The following STARD13 variants were observed in gnomAD, a reference collection of about 807,000 sequenced individuals.
STARD13 encodes the protein StAR related lipid transfer domain containing 13.
STARD13 carries 62 observed loss-of-function variants against 106.4 expected under a neutral mutation model. That is an observed-to-expected ratio of 0.58 (90% CI 0.48 to 0.72). The LOEUF (loss-of-function observed/expected upper bound fraction) is 0.72, where lower values mean the gene tolerates loss of function less well. Ranked by LOEUF, STARD13 falls within the 30% of genes least tolerant of loss-of-function variation. STARD13 has a pLI of 0.00. For missense variants in STARD13, 1,387 were observed against 1,424.0 expected (o/e 0.97, Z 0.42); for synonymous variants, 565 against 553.0 (o/e 1.02, Z -0.31).
chr13:33,177,709 A>AAGGGAGGAAGGAGGGAGAAAGGG (rs1349809609), intron 1 of STARD13, among the ~76,000 whole-genome samples: 8 of 149,534 alleles, frequency 5.3e-5, no homozygotes, highest in Non-Finnish European at 1.2e-4. Context: ...GTAATGGAGG[A>AAGGGAGGAAGGAGGGAGAAAGGG]AGGGAGGAAG....
chr13:33,348,202 T>A (rs1024907744), downstream of STARD13, among the ~76,000 whole-genome samples: 5 of 152,182 alleles, frequency 3.3e-5, no homozygotes, highest in African/African-American at 1.2e-4. Context: ...ACCGCTATTT[T>A]AAAAAATAAT....
chr13:33,323,108 T>G (rs970944491), intron 1 of STARD13, among the ~76,000 whole-genome samples: 2 of 152,064 alleles, frequency 1.3e-5, no homozygotes, highest in African/African-American at 4.8e-5. Flanking sequence ...GCAGCACAGG[T>G]TGTAATGTGA....
chr13:33,449,576 G>C, the STARD13 span, among the ~76,000 whole-genome samples: 1 of 152,002 alleles, frequency 6.6e-6, no homozygotes, highest in Non-Finnish European at 1.5e-5. Flanking sequence ...ATATTTCTTT[G>C]GCTATTCAGG....
intron 1 of STARD13, among the ~76,000 whole-genome samples, chr13:33,218,259 AT>A (rs1291774819): frequency 2.2e-4 from 33 of 152,216 alleles, no homozygotes; most frequent in African/African-American, 7.7e-4. Context: ...TATGAGGAAC[AT>A]CTGAGCCCAC....
the STARD13 span, among the ~76,000 whole-genome samples, chr13:33,661,528 G>A: frequency 6.6e-6 from 1 of 152,178 alleles, no homozygotes; most frequent in Admixed American, 6.5e-5. Context: ...AAGAAAAGAG[G>A]TTTAACTGAC....
the STARD13 span, among the ~76,000 whole-genome samples, chr13:33,643,159 G>GCACACACACACACACACA: frequency 4.3e-5 from 6 of 139,820 alleles, no homozygotes; most frequent in African/African-American, 7.7e-5. Context: ...CATAGAACAT[G>GCACACACACACACACACA]CACACACACA....
At chr13:33,258,787 T>G (rs979536293) in intron 1 of STARD13, among the ~76,000 whole-genome samples, 1 of 152,244 alleles carries the variant, frequency 6.6e-6, no homozygotes, top group Non-Finnish European at 1.5e-5. Context: ...TCTAGGCCTT[T>G]GCTTCCATAC....
At chr13:33,282,497 C>T (rs1198345263) in intron 1 of STARD13, among the ~76,000 whole-genome samples, 3 of 152,282 alleles carry the variant, frequency 2.0e-5, no homozygotes, top group African/African-American at 4.8e-5. Context: ...GATTATCTCA[C>T]TATAATGAGG....
the STARD13 span, among the ~76,000 whole-genome samples, chr13:33,667,437 T>C: frequency 6.6e-6 from 1 of 152,262 alleles, no homozygotes; most frequent in African/African-American, 2.4e-5. Context: ...AGAACTCATG[T>C]ACTCATTTTA....
chr13:33,579,906 A>G, the STARD13 span, among the ~76,000 whole-genome samples: 8 of 151,994 alleles, frequency 5.3e-5, no homozygotes, highest in Non-Finnish European at 8.8e-5. Flanking sequence ...AAAATCACAA[A>G]CACAACACTG....
At chr13:33,660,949 T>C in the STARD13 span, among the ~76,000 whole-genome samples, 3 of 152,176 alleles carry the variant, frequency 2.0e-5, no homozygotes, top group Non-Finnish European at 4.4e-5. Flanking sequence ...AAGAAAAACA[T>C]AGGACATACA....
the STARD13 span, among the ~76,000 whole-genome samples, chr13:33,495,911 TTA>T: frequency 6.9e-6 from 1 of 144,422 alleles, no homozygotes; most frequent in African/African-American, 2.5e-5. Flanking sequence ...TGTTATTATA[TTA>T]TATAGTTATA....
In STARD13 at chr13:33,350,470, C is replaced by G. The variant is rs899786556; in HGVS notation, c.-57G>C. 6 of 1,493,256 alleles carry G rather than the reference C, an allele frequency of 4.0e-6. No individual in the cohort carries two copies. The South Asian group carries it at 6.2e-5, about 16-fold the overall frequency. 92.5% of individuals were successfully genotyped at this position (1,493,256 alleles called of 1,614,324 possible). ...TCTCCACCGCCACTCCCGCGTGGCCCGCGACTCAGACTCCCGGCGACTGGA... is the reference window on the plus strand; with the variant it reads ...TCTCCACCGCCACTCCCGCGTGGCCGGCGACTCAGACTCCCGGCGACTGGA... On this transcript the variant is annotated 5_prime_UTR_variant, in exon 1 of 2. Transcript: ENST00000439831.
intron 1 of STARD13, among the ~76,000 whole-genome samples, chr13:33,327,705 T>A (rs571223851): frequency 1.3e-5 from 2 of 152,344 alleles, no homozygotes; most frequent in South Asian, 2.1e-4. Flanking sequence ...TTATTTTTTA[T>A]CATTGTAAGT....
chr13:33,675,517 G>C, the STARD13 span, among the ~76,000 whole-genome samples: 1 of 152,082 alleles, frequency 6.6e-6, no homozygotes, highest in Non-Finnish European at 1.5e-5. Flanking sequence ...ATATGCCCTG[G>C]GGACTTACAT....
At chr13:33,118,411 G>A (rs1022981640) in intron 7 of STARD13, 148 bp from the exon 8 acceptor site, 47 of 665,810 alleles carry the variant, frequency 7.1e-5, no homozygotes, top group South Asian at 3.8e-4. Flanking sequence ...GGCAGTACCC[G>A]AACACTGTCT....
At position 33,190,293 on chromosome 13, in the gene STARD13, C is replaced by T. The variant is rs116517614; in HGVS notation, c.170-22671G>A. Among the ~76,000 whole-genome samples, 237 of 152,110 alleles carry T rather than the reference C, an allele frequency of 1.6e-3. 1 individual carries two copies. Among genetic ancestry groups the T allele is most frequent in the Middle Eastern group, 6.8e-3 (2 of 294 alleles). On this transcript the variant is annotated intron_variant, in intron 1 of 13. Coordinates refer to ENST00000336934, the MANE Select transcript of STARD13 (RefSeq NM_178006.4). ...AAAAAAAAATGAAAAGAATTTAGCCCGGATGTGGCTTCAGTTACTTGGGAG... is the reference window on the plus strand; with the variant it reads ...AAAAAAAAATGAAAAGAATTTAGCCTGGATGTGGCTTCAGTTACTTGGGAG...
At chr13:33,547,991 T>G in the STARD13 span, among the ~76,000 whole-genome samples, 32 of 152,236 alleles carry the variant, frequency 2.1e-4, no homozygotes, top group Non-Finnish European at 4.4e-4. Flanking sequence ...TTAGTTGATT[T>G]ATTTAATGAG....
chr13:33,490,513 A>C, the STARD13 span, among the ~76,000 whole-genome samples: 1 of 152,152 alleles, frequency 6.6e-6, no homozygotes. Flanking sequence ...GAGTAGGGGC[A>C]TCTGGATGCT....
Sources: allele counts gnomAD v4.1 joint callset (sites outside exome capture counted in the v4.1 genomes callset), GRCh38; gene constraint gnomAD v4.1.1; transcripts MANE v1.5; gene names NCBI Gene and HGNC (gene_info 2026-07-23, HGNC 2026-07-21).